Variants in PDE10A observed in about 807,000 individuals in gnomAD.
PDE10A encodes the protein phosphodiesterase 10A, also known as cAMP and cAMP-inhibited cGMP 3',5'-cyclic phosphodiesterase 10A.
PDE10A carries 39 observed loss-of-function variants against 97.7 expected under a neutral mutation model. The observed-to-expected ratio is 0.40, with a 90% confidence interval of 0.31 to 0.52. The LOEUF (loss-of-function observed/expected upper bound fraction) is 0.52, where lower values mean the gene tolerates loss of function less well. Among genes scored for constraint, PDE10A ranks in the 20% least tolerant of loss-of-function variants. The pLI is 0.56. For missense variants in PDE10A, 731 were observed against 1,047.8 expected, an observed-to-expected ratio of 0.70 and a Z score of 4.17; for synonymous variants, 371 against 376.8, an observed-to-expected ratio of 0.98 and a Z score of 0.18.
intron 1 of PDE10A, among the ~76,000 whole-genome samples, chr6:165,724,330 T>C (rs996603930): frequency 1.1e-5 from 1 of 92,126 alleles, no homozygotes; most frequent in Non-Finnish European, 2.3e-5. Flanking sequence ...AGGGCCCTTT[T>C]GAGACTAAGA....
intron 1 of PDE10A, among the ~76,000 whole-genome samples, chr6:165,954,038 G>C (rs1020480584): frequency 6.6e-6 from 1 of 152,124 alleles, no homozygotes; most frequent in Non-Finnish European, 1.5e-5. Flanking sequence ...CTTTCACTAA[G>C]TAATGTGTAT....
At chr6:165,902,863 T>C (rs1203016634) in intron 1 of PDE10A, among the ~76,000 whole-genome samples, 1 of 152,158 alleles carries the variant, frequency 6.6e-6, no homozygotes, top group Non-Finnish European at 1.5e-5. Flanking sequence ...GAAGAAAAGG[T>C]CCTGGGTACG....
intron 1 of PDE10A, among the ~76,000 whole-genome samples, chr6:165,616,156 T>C (rs529940784): frequency 2.4e-4 from 36 of 152,056 alleles, no homozygotes; most frequent in Non-Finnish European, 4.6e-4. Flanking sequence ...TTGGCCCTAT[T>C]CGCATGACAC....
At chr6:165,720,256 C>T (rs1792132533) in intron 1 of PDE10A, among the ~76,000 whole-genome samples, 1 of 151,994 alleles carries the variant, frequency 6.6e-6, no homozygotes, top group South Asian at 2.1e-4. Flanking sequence ...TTTTGATGAT[C>T]ATATCTTACT....
chr6:165,962,792 G>T (rs1400046119), intron 1 of PDE10A, among the ~76,000 whole-genome samples: 1 of 152,190 alleles, frequency 6.6e-6, no homozygotes, highest in Non-Finnish European at 1.5e-5. Flanking sequence ...AGGCAGGAAT[G>T]GCAGGACCAT....
At chr6:165,477,457 G>A (rs980083455) in intron 3 of PDE10A, among the ~76,000 whole-genome samples, 3 of 152,184 alleles carry the variant, frequency 2.0e-5, no homozygotes, top group African/African-American at 7.2e-5. Context: ...TGAGCGCAGG[G>A]ATTTCTGTCT....
At chr6:165,565,614 A>G (rs9459453) in intron 1 of PDE10A, among the ~76,000 whole-genome samples, 14,975 of 152,250 alleles carry the variant, frequency 0.098, 1,272 homozygotes, top group African/African-American at 0.24. Context: ...AAGTCTCACA[A>G]TAGCCAGCAC....
chr6:165,710,949 G>C (rs531539667), intron 1 of PDE10A, among the ~76,000 whole-genome samples: 1 of 152,234 alleles, frequency 6.6e-6, no homozygotes, highest in East Asian at 1.9e-4. Context: ...GCTAAGAGCC[G>C]TAAGAGAATG....
intron 1 of PDE10A, among the ~76,000 whole-genome samples, chr6:165,705,194 C>T: frequency 6.6e-6 from 1 of 152,248 alleles, no homozygotes; most frequent in East Asian, 1.9e-4. Context: ...TCCAGGTTGT[C>T]TCTACTCCTG....
At chr6:165,739,065 C>T (rs1308544998) in intron 1 of PDE10A, among the ~76,000 whole-genome samples, 1 of 152,114 alleles carries the variant, frequency 6.6e-6, no homozygotes, top group Non-Finnish European at 1.5e-5. Context: ...CCATATTACT[C>T]AAAGCTATCT....
intron 1 of PDE10A, among the ~76,000 whole-genome samples, chr6:165,906,260 G>A (rs537704668): frequency 1.1e-4 from 16 of 151,310 alleles, no homozygotes; most frequent in African/African-American, 3.9e-4. Context: ...AGGGCGCAGT[G>A]GAAAGGAGGA....
intron 16 of PDE10A, among the ~76,000 whole-genome samples, chr6:165,389,275 T>C (rs1050791352): frequency 6.6e-6 from 1 of 152,216 alleles, no homozygotes; most frequent in Non-Finnish European, 1.5e-5. Context: ...AAGATTATTC[T>C]GGCAACTGTG....
chr6:165,532,498 T>C (rs948153612), intron 2 of PDE10A, among the ~76,000 whole-genome samples: 1 of 152,040 alleles, frequency 6.6e-6, no homozygotes, highest in African/African-American at 2.4e-5. Flanking sequence ...GTGCATGTAG[T>C]TAGAGTATGT....
At chr6:165,969,494 C>T (rs1358778811) in intron 1 of PDE10A, among the ~76,000 whole-genome samples, 1 of 152,114 alleles carries the variant, frequency 6.6e-6, no homozygotes, top group African/African-American at 2.4e-5. Flanking sequence ...CTAGAAGTAG[C>T]CCAGTTGTAC....
At chr6:165,693,528 C>CA (rs55830575) in intron 1 of PDE10A, among the ~76,000 whole-genome samples, 2,515 of 56,412 alleles carry the variant, frequency 0.045, 123 homozygotes, top group South Asian at 0.12. Context: ...GAGGCTCCAC[C>CA]AAAAAAAAAA....
chr6:165,804,921 A>AGGGGAGCATGGAGGGACGT (rs1779085025), intron 1 of PDE10A, among the ~76,000 whole-genome samples: 3 of 138,660 alleles, frequency 2.2e-5, no homozygotes, highest in Admixed American at 7.1e-5. Context: ...GGGCGCACGG[A>AGGGGAGCATGGAGGGACGT]GGGGAGCATG....
In PDE10A at chr6:165,569,077, T is replaced by A. The variant is rs182991666; in HGVS notation, c.866-25509A>T. 1.4e-3 allele frequency among the ~76,000 whole-genome samples: 208 copies of A among 152,352 alleles called. 3 individuals are homozygous for A. Among genetic ancestry groups the A allele is most frequent in the African/African-American group, 4.9e-3 (202 of 41,582 alleles). On this transcript the variant is annotated intron_variant, in intron 1 of 21. Coordinates refer to ENST00000539869, the MANE Select transcript of PDE10A (RefSeq NM_001385079.1). ...TAAGAATGTAAAATATTTCATCAAATAATTCTTTAATAATCAGAAGCTAAA... is the reference window on the plus strand; with the variant it reads ...TAAGAATGTAAAATATTTCATCAAAAAATTCTTTAATAATCAGAAGCTAAA...
intron 13 of PDE10A, among the ~76,000 whole-genome samples, chr6:165,397,020 G>C (rs187046837): frequency 1.2e-4 from 18 of 152,258 alleles, no homozygotes; most frequent in African/African-American, 4.3e-4. Flanking sequence ...GAACTCAAAT[G>C]AGTAACACAG....
At chr6:165,628,501 A>G (rs983076353) in intron 1 of PDE10A, among the ~76,000 whole-genome samples, 14 of 152,220 alleles carry the variant, frequency 9.2e-5, no homozygotes, top group African/African-American at 3.4e-4. Context: ...CTACAGGCAC[A>G]TGCCACCACA....
Sources: allele counts gnomAD v4.1 joint callset (sites outside exome capture counted in the v4.1 genomes callset), GRCh38; gene constraint gnomAD v4.1.1; transcripts MANE v1.5; gene names NCBI Gene and HGNC (gene_info 2026-07-23, HGNC 2026-07-21).